The following ELOF1 variants were observed in gnomAD, a reference collection of about 807,000 sequenced individuals.
The protein encoded by ELOF1 is elongation factor 1.
A neutral mutation model predicts 7.1 loss-of-function variants in ELOF1; 4 were observed. The ratio of observed to expected loss-of-function variants is 0.56; its 90% CI spans 0.28 to 1.29. The LOEUF is 1.29. Among genes scored for constraint, ELOF1 ranks in the 50% most tolerant of loss-of-function variants. The pLI is 0.10. For missense variants in ELOF1, 59 were observed against 86.3 expected (o/e 0.68, Z 1.25); for synonymous variants, 31 against 31.9 (o/e 0.97, Z 0.09).
chr19:11,555,592 T>C (rs576735836), intron 1 of ELOF1: 1 of 152,422 alleles, frequency 6.6e-6, no homozygotes, highest in Non-Finnish European at 1.5e-5. Flanking sequence ...GGCAGAGAAG[T>C]GGGGACAGGC....
At chr19:11,556,838 C>G (rs1972841483) in intron 1 of ELOF1, among the ~76,000 whole-genome samples, 1 of 152,202 alleles carries the variant, frequency 6.6e-6, no homozygotes, top group Non-Finnish European at 1.5e-5. Context: ...CACCACCATG[C>G]CCAGCTTCGG....
Position 11,553,727 on chromosome 19 carries a change from G to A in ELOF1, c.187+284C>T, listed in dbSNP as rs59970096. ...TCCACAGTACGCGGGGCTGCTCAGG[G>A]GGCGGGTCCTCTGTGTCGCTACTGA... On this transcript the variant is annotated intron_variant, in intron 3 of 3. Transcript: ENST00000586683. 3.0e-3 allele frequency: 4,855 copies of A among 1,614,174 alleles called. 179 individuals carry two copies. In the East Asian group the frequency reaches 0.082, roughly 27 times the overall value.
At chr19:11,553,960 A>T in intron 3 of ELOF1, 51 bp downstream of exon 3, 1 of 1,612,836 alleles carries the variant, frequency 6.2e-7, no homozygotes, top group Non-Finnish European at 8.5e-7. Context: ...CAGGGTCCGG[A>T]CTCCAGCCCC....
rs914186125 is a variant in ELOF1, at chr19:11,553,595, A to G, written c.187+416T>C. ...ACGCACACCCACTACACACACACACACACACACACACACACACACACACAC... is the reference window on the plus strand; with the variant it reads ...ACGCACACCCACTACACACACACACGCACACACACACACACACACACACAC... On this transcript the variant is annotated intron_variant, in intron 3 of 3. Coordinates refer to ENST00000586683, the Ensembl canonical transcript of ELOF1. The G allele has an allele frequency of 9.7e-4, 473 of 488,192 alleles. 2 individuals carry two copies. The highest frequency in any genetic ancestry group is 8.0e-4 in the Non-Finnish European group (251 of 314,308). The allele number at this position is 488,192 out of a possible 1,614,324, so 30.2% of individuals were successfully genotyped here.
intron 3 of ELOF1, chr19:11,553,582 TAC>T (rs57015096): frequency 0.056 from 33,359 of 596,164 alleles, 378 homozygotes; most frequent in Middle Eastern, 0.094. Context: ...GCACACCCAC[TAC>T]ACACACACAC....
chr19:11,557,882 G>A (rs1164807967), intron 1 of ELOF1, among the ~76,000 whole-genome samples: 1 of 152,140 alleles, frequency 6.6e-6, no homozygotes, highest in African/African-American at 2.4e-5. Flanking sequence ...AAGCCCATGA[G>A]TTTAATTGTT....
At chr19:11,558,711 A>G (rs1972869616) in intron 1 of ELOF1, among the ~76,000 whole-genome samples, 1 of 151,050 alleles carries the variant, frequency 6.6e-6, no homozygotes, top group Non-Finnish European at 1.5e-5. Flanking sequence ...TCGGCGACAC[A>G]GCAAGACTCA....
intron 1 of ELOF1, among the ~76,000 whole-genome samples, chr19:11,556,381 C>T (rs1972834572): frequency 6.6e-6 from 1 of 151,482 alleles, no homozygotes; most frequent in African/African-American, 2.4e-5. Context: ...CCCACTGCAA[C>T]CTCCACCTCC....
intron 3 of ELOF1, chr19:11,553,628 CACACG>C: frequency 9.6e-6 from 8 of 834,142 alleles, no homozygotes; most frequent in Non-Finnish European, 1.3e-5. Flanking sequence ...CACACACACA[CACACG>C]GCTGTGACAG....
chr19:11,558,625 G>A (rs1213457328), intron 1 of ELOF1, among the ~76,000 whole-genome samples: 1 of 151,500 alleles, frequency 6.6e-6, no homozygotes, highest in Non-Finnish European at 1.5e-5. Flanking sequence ...CAGCTACTCG[G>A]CAAGCTGAAG....
At position 11,553,713 on chromosome 19, in the gene ELOF1, CG is replaced by C. The variant is rs780366656; in HGVS notation, c.187+297del. On this transcript the variant is annotated intron_variant, in intron 3 of 3. Coordinates refer to ENST00000586683, the Ensembl canonical transcript of ELOF1. ...ACCGAACAGCTGGATCCACAGTACGCGGGGCTGCTCAGGGGGCGGGTCCTCT... is the reference window on the plus strand; with the variant it reads ...ACCGAACAGCTGGATCCACAGTACGCGGGCTGCTCAGGGGGCGGGTCCTCT... 122 of 1,613,912 alleles carry C rather than the reference CG, an allele frequency of 7.6e-5. 1 individual carries two copies. Among genetic ancestry groups the C allele is most frequent in the Middle Eastern group, 3.3e-4 (2 of 6,060 alleles).
At chr19:11,557,594 TAAA>T (rs56991908) in intron 1 of ELOF1, among the ~76,000 whole-genome samples, 7 of 78,048 alleles carry the variant, frequency 9.0e-5, no homozygotes, top group Non-Finnish European at 1.0e-4. Flanking sequence ...AAACTTCATC[TAAA>T]AAAAAAAAAA....
Position 11,553,824 on chromosome 19 carries a change from G to C in ELOF1, c.187+187C>G, listed in dbSNP as rs1230183334. On this transcript the variant is annotated intron_variant, in intron 3 of 3. Coordinates refer to ENST00000586683, the Ensembl canonical transcript of ELOF1. ...GTTCTGACAGATCTGGGCCACTTAG[G>C]TCAAGGGCGATCATTGGCATTGGAA... 6.2e-7 allele frequency: 1 copy of C among 1,614,198 alleles called. No individual in the cohort carries two copies. Among genetic ancestry groups the C allele is most frequent in the East Asian group, 2.2e-5 (1 of 44,888 alleles).
chr19:11,558,768 C>T (rs1432263304), intron 1 of ELOF1, among the ~76,000 whole-genome samples: 1 of 151,852 alleles, frequency 6.6e-6, no homozygotes. Context: ...ACGGATGAGC[C>T]CCAGAAGCTC....
chr19:11,558,522 G>A (rs901062664), intron 1 of ELOF1, among the ~76,000 whole-genome samples: 2 of 151,844 alleles, frequency 1.3e-5, no homozygotes. Flanking sequence ...TGGGAAGATC[G>A]CTTGAAGCCA....
intron 1 of ELOF1, chr19:11,555,256 C>CAAAA: frequency 4.6e-5 from 4 of 87,668 alleles, no homozygotes; most frequent in Non-Finnish European, 4.7e-5. Context: ...GACTCCGTCT[C>CAAAA]AAAAAAAAAA....
chr19:11,554,382 A>G lies in ELOF1; in HGVS notation c.-18-17T>C, dbSNP rs954405748. The G allele has an allele frequency of 6.2e-7, 1 of 1,609,102 alleles. No homozygotes were observed. Among genetic ancestry groups the G allele is most frequent in the African/African-American group, 1.3e-5 (1 of 74,816 alleles). On this transcript the variant is annotated splice_polypyrimidine_tract_variant and intron_variant, in intron 1 of 3. Transcript: ENST00000586683. ...TGGATGAGCCTGTGGGGAGTGGCAG[A>G]TGTCAGTGGTTTGAGGAAACCACGC... is the stretch of plus-strand genomic sequence containing the variant.
At position 11,558,286 on chromosome 19, in the gene ELOF1, T is replaced by G. The variant is rs1159737774; in HGVS notation, c.-19+905A>C. Among the ~76,000 whole-genome samples the G allele has an allele frequency of 2.6e-5, 4 of 152,004 alleles. No individual in the cohort carries two copies. In the East Asian group the frequency reaches 7.8e-4, roughly 30 times the overall value. ...CCGCGGCACCACGCCCAGCTAATTT[T>G]TGTATTTTTTGTAGAGACAGGGACC... On this transcript the variant is annotated intron_variant, in intron 1 of 3. Coordinates refer to ENST00000586683, the Ensembl canonical transcript of ELOF1.
intron 3 of ELOF1, chr19:11,553,582 TACACAC>T (rs57015096): frequency 0.3 from 178,428 of 593,554 alleles, 10,198 homozygotes; most frequent in Non-Finnish European, 0.33. Context: ...GCACACCCAC[TACACAC>T]ACACACACAC....
Sources: gnomAD v4.1 joint callset for allele counts (sites outside exome capture counted in the v4.1 genomes callset) on GRCh38, gnomAD v4.1.1 for gene constraint, MANE v1.5 for transcripts, NCBI Gene and HGNC (gene_info 2026-07-23, HGNC 2026-07-21) for gene names.